The following EVC2 variants were observed in gnomAD, a reference collection of about 807,000 sequenced individuals.
EVC2 encodes limbin.
Under a neutral mutation model 149.3 loss-of-function variants are expected in EVC2, and 148 were observed. The observed-to-expected ratio is 0.99, with a 90% CI of 0.87 to 1.14. The LOEUF is 1.14. Ranked by LOEUF, EVC2 falls within the 50% of genes most tolerant of loss-of-function variation. The pLI, the probability that EVC2 is intolerant of heterozygous loss-of-function variation, is 0.00. For missense variants in EVC2, 1,854 were observed against 1,627.3 expected, an observed-to-expected ratio of 1.14 and a Z score of -2.40; for synonymous variants, 776 against 649.9, an observed-to-expected ratio of 1.19 and a Z score of -2.95.
At chr4:5,560,845 T>G (rs1301189209), downstream of EVC2, among the ~76,000 whole-genome samples, 1 of 152,176 alleles carries the variant, frequency 6.6e-6, no homozygotes, top group Admixed American at 6.5e-5. The surrounding 1 kb of genome is among the most constrained non-coding windows in gnomAD (Gnocchi z 4.1). Flanking sequence ...GTAAAATGAC[T>G]GCTAAAAAGT....
At chr4:5,548,778 T>C (rs1255452759) in intron 21 of EVC2, among the ~76,000 whole-genome samples, 2 of 152,146 alleles carry the variant, frequency 1.3e-5, no homozygotes, top group African/African-American at 4.8e-5. Flanking sequence ...ACAAAGGCAA[T>C]AGAGATTCAT....
chr4:5,559,632 T>A (rs192525102), downstream of EVC2, among the ~76,000 whole-genome samples: 136 of 152,170 alleles, frequency 8.9e-4, no homozygotes, highest in African/African-American at 3.1e-3. The surrounding 1 kb of genome is among the most constrained non-coding windows in gnomAD (Gnocchi z 5.0). Context: ...CGGAAAAACA[T>A]AAAAATCTGC....
intron 16 of EVC2, among the ~76,000 whole-genome samples, chr4:5,586,406 GC>G (rs1008702182): frequency 2.0e-5 from 3 of 151,776 alleles, no homozygotes; most frequent in Non-Finnish European, 2.9e-5. Flanking sequence ...AAAATTCTAA[GC>G]CCCCCCTCAA....
intron 1 of EVC2, among the ~76,000 whole-genome samples, chr4:5,702,102 T>A (rs1442194860): frequency 1.3e-5 from 2 of 152,084 alleles, no homozygotes; most frequent in African/African-American, 4.8e-5. Flanking sequence ...ATCCACAGCA[T>A]CCCATCTTAC....
rs1285181913 is a variant in EVC2, at chr4:5,635,148, T to C, written c.1471-3116A>G. 2.0e-5 allele frequency among the ~76,000 whole-genome samples: 3 copies of C among 149,296 alleles called. No homozygotes were observed. The East Asian group carries it at 6.1e-4, about 31-fold the overall frequency. ...GCCCTCTGGGTTCAAGTGATTCTCC[T>C]GGCTCAGCCTCCCAAGCGGCTGGGA... On this transcript the variant is annotated intron_variant, in intron 10 of 21. Coordinates refer to ENST00000344408, the MANE Select transcript of EVC2 (RefSeq NM_147127.5).
chr4:5,697,370 G>A lies in EVC2; in HGVS notation c.283+223C>T, dbSNP rs13126806. On this transcript the variant is annotated intron_variant, in intron 2 of 21. Transcript: ENST00000344408. ...AATGCCTTCAGGGGATATCAAAAAGGGCCTACCTCACCCTAGGTTCCACTG... is the reference window on the plus strand; with the variant it reads ...AATGCCTTCAGGGGATATCAAAAAGAGCCTACCTCACCCTAGGTTCCACTG... Among the ~76,000 whole-genome samples the A allele has an allele frequency of 0.24, 36,328 of 152,068 alleles. 4,405 individuals carry two copies. The highest frequency in any genetic ancestry group is 0.26 in the Non-Finnish European group (17,398 of 67,976).
intron 21 of EVC2, among the ~76,000 whole-genome samples, chr4:5,546,312 C>A (rs1192030766): frequency 3.3e-5 from 5 of 152,130 alleles, no homozygotes; most frequent in Non-Finnish European, 7.3e-5. Flanking sequence ...TTGGAACCAA[C>A]CTAAATGTCC....
rs1356279607 is a variant in EVC2, at chr4:5,637,773, T to C, written c.1470+2741A>G. On this transcript the variant is annotated intron_variant, in intron 10 of 21. Coordinates refer to ENST00000344408, the MANE Select transcript of EVC2 (RefSeq NM_147127.5). This position sits in a 1 kb window ranked among gnomAD's most constrained non-coding sequence, Gnocchi z 4.4. ...ACTCAACAATGGGCAGAATGAATGA[T>C]CCTCTGCCACTGAGTTGTGGGATGG... 6.6e-6 allele frequency among the ~76,000 whole-genome samples: 1 copy of C among 151,150 alleles called. No homozygotes were observed. Among genetic ancestry groups the C allele is most frequent in the Non-Finnish European group, 1.5e-5 (1 of 67,892 alleles).
In EVC2 at chr4:5,689,229, G is replaced by C. The variant is rs530665317; in HGVS notation, c.634C>G (p.Leu212Val). The C allele has an allele frequency of 3.1e-6, 5 of 1,614,216 alleles. No individual in the cohort carries two copies. The highest frequency in any genetic ancestry group is 2.7e-5 in the African/African-American group (2 of 75,062). Residue 212 changes from leucine to valine, a missense_variant, in exon 5 of 22, where the codon CTC (leucine) becomes GTC (valine). Physicochemically the swap from Leu to Val is conservative, Grantham distance 32 (BLOSUM62 1). Coordinates refer to ENST00000344408, the MANE Select transcript of EVC2 (RefSeq NM_147127.5). Reference protein sequence around the residue: ...ELLLLDSIAGLTIWDSVGNRT... With the variant: ...ELLLLDSIAGVTIWDSVGNRT... Reference sequence around the variant, plus strand: ...TTTCCCACAGAGTCCCAAATGGTGAGACCAGCAATGCTGTCCAGCAAGAGC... The same window carrying C: ...TTTCCCACAGAGTCCCAAATGGTGACACCAGCAATGCTGTCCAGCAAGAGC...
At position 5,568,628 on chromosome 4, in the gene EVC2, C is replaced by A. The variant is rs1482655163; in HGVS notation, c.3373G>T (p.Ala1125Ser). 2 of 1,608,052 alleles carry A rather than the reference C, an allele frequency of 1.2e-6. No individual in the cohort carries two copies. The highest frequency in any genetic ancestry group is 2.2e-5 in the South Asian group (2 of 90,360). The stretch of plus-strand genomic sequence containing the variant: ...ATGGCCATCCTCGCCAGGTACGATG[C>A]CAGTCTCAGCTCCTACAGGAAACAA... ...ATLCSQELRLASYLARMAMVP... is the reference protein window; with the variant it reads ...ATLCSQELRLSSYLARMAMVP... Residue 1125 changes from alanine (A) to serine (S), a missense_variant, in exon 20 of 22, where the codon GCA becomes TCA. Transcript: ENST00000344408.
intron 7 of EVC2, among the ~76,000 whole-genome samples, chr4:5,674,875 G>A (rs560260583): frequency 1.3e-5 from 2 of 152,308 alleles, no homozygotes; most frequent in South Asian, 4.2e-4. Flanking sequence ...AGGATGCTGG[G>A]GCAGTAATGA....
intron 9 of EVC2, among the ~76,000 whole-genome samples, chr4:5,651,807 C>G (rs939868515): frequency 2.0e-5 from 3 of 152,220 alleles, no homozygotes; most frequent in African/African-American, 4.8e-5. Context: ...AGGCTAACTC[C>G]CCTTATAGCT....
chr4:5,614,200 C>T lies in EVC2; in HGVS notation c.2829+1222G>A, dbSNP rs1347982170. On this transcript the variant is annotated intron_variant, in intron 16 of 21. Transcript: ENST00000344408. The surrounding 1 kb of genome is among the most constrained non-coding windows in gnomAD (Gnocchi z 4.7). ...TGCCTCCTCTCCTACCTACAGTCCACCCTGCTGCCAGCCTACTTCACCTGT... is the reference window on the plus strand; with the variant it reads ...TGCCTCCTCTCCTACCTACAGTCCATCCTGCTGCCAGCCTACTTCACCTGT... Among the ~76,000 whole-genome samples, 2 of 152,176 alleles carry T rather than the reference C, an allele frequency of 1.3e-5. No homozygotes were observed. Among genetic ancestry groups the T allele is most frequent in the Non-Finnish European group, 2.9e-5 (2 of 68,032 alleles).
At position 5,563,079 on chromosome 4, in the gene EVC2, C is replaced by A. The variant is rs150551872; in HGVS notation, c.3696G>T (p.Arg1232Ser). 5.6e-6 allele frequency: 9 copies of A among 1,613,992 alleles called. No homozygotes were observed. The African/African-American group carries it at 9.3e-5, about 17-fold the overall frequency. Reference protein sequence around the residue: ...LKKTCLPLRERMIFSGKGSWP... With the variant: ...LKKTCLPLRESMIFSGKGSWP... ...AACTTCCTTTTCCAGAGAATATCAT[C>A]CTCTCTCTGAGAGGGAGACATGTCT... Residue 1232 changes from arginine (R) to serine (S), a missense_variant, in exon 22 of 22, where the codon AGG (arginine) becomes AGT (serine). Transcript: ENST00000344408.
chr4:5,652,567 GC>G (rs1718221182), intron 9 of EVC2, among the ~76,000 whole-genome samples: 1 of 152,174 alleles, frequency 6.6e-6, no homozygotes. Flanking sequence ...AGGCAGCTGT[GC>G]CAGGAAGTTA....
the EVC2 span, among the ~76,000 whole-genome samples, chr4:5,532,793 T>A: frequency 1.3e-5 from 2 of 151,832 alleles, no homozygotes; most frequent in African/African-American, 2.4e-5. Flanking sequence ...TGATCGAATC[T>A]GTTTCCTGGG....
chr4:5,695,297 G>A (rs530959198), intron 2 of EVC2, among the ~76,000 whole-genome samples: 162 of 150,212 alleles, frequency 1.1e-3, no homozygotes, highest in Non-Finnish European at 1.9e-3. Context: ...GCAGTGAGCC[G>A]AGATCATGCC....
downstream of EVC2, among the ~76,000 whole-genome samples, chr4:5,560,526 A>G (rs1402046965): frequency 6.6e-6 from 1 of 152,128 alleles, no homozygotes; most frequent in African/African-American, 2.4e-5. This position sits in a 1 kb window ranked among gnomAD's most constrained non-coding sequence, Gnocchi z 4.1. Flanking sequence ...CACTCACGAG[A>G]ACAGTACAGG....
intron 6 of EVC2, 150 bp from the exon 7 acceptor site, chr4:5,681,463 A>G (rs2151724319): frequency 1.2e-6 from 1 of 804,806 alleles, no homozygotes; most frequent in African/African-American, 1.7e-5. Context: ...TCTCACCATC[A>G]GGAGGAAGGG....
Sources: allele counts gnomAD v4.1 joint callset (sites outside exome capture counted in the v4.1 genomes callset), GRCh38; gene constraint gnomAD v4.1.1; non-coding constraint Gnocchi (gnomAD v3.1); transcripts MANE v1.5; gene names NCBI Gene and HGNC (gene_info 2026-07-23, HGNC 2026-07-21).